The following SPAG16 variants were observed in gnomAD, a reference collection of about 807,000 sequenced individuals.
The protein encoded by SPAG16 is sperm associated antigen 16.
A neutral mutation model predicts 80.4 loss-of-function variants in SPAG16; 86 were observed. That is an observed-to-expected ratio of 1.07 (90% CI 0.90 to 1.28). The LOEUF (loss-of-function observed/expected upper bound fraction) is 1.28. SPAG16 is among the 50% of genes most tolerant of loss of function. SPAG16 has a pLI of 0.00. For missense variants in SPAG16, 870 were observed against 765.3 expected (o/e 1.14, Z -1.61); for synonymous variants, 294 against 265.9 (o/e 1.11, Z -1.03).
intron 10 of SPAG16, among the ~76,000 whole-genome samples, chr2:213,827,696 T>A (rs1412595591): frequency 6.6e-6 from 1 of 152,060 alleles, no homozygotes; most frequent in Non-Finnish European, 1.5e-5. Context: ...GCATTTCTTG[T>A]AGGACAGGTC....
intron 10 of SPAG16, among the ~76,000 whole-genome samples, chr2:213,750,323 G>A (rs1008274696): frequency 1.3e-5 from 2 of 151,718 alleles, no homozygotes; most frequent in Non-Finnish European, 2.9e-5. Flanking sequence ...CTGAAACAGT[G>A]TAAAATGACA....
chr2:214,391,747 G>A (rs1701092421), intron 15 of SPAG16, among the ~76,000 whole-genome samples: 1 of 152,132 alleles, frequency 6.6e-6, no homozygotes, highest in South Asian at 2.1e-4. Flanking sequence ...TAGCCATTCT[G>A]GAATTGATGT....
intron 10 of SPAG16, among the ~76,000 whole-genome samples, chr2:213,610,283 T>G (rs761836060): frequency 3.3e-5 from 5 of 152,172 alleles, no homozygotes; most frequent in African/African-American, 4.8e-5. Flanking sequence ...CAGGGAGATT[T>G]GCATCTGTAG....
chr2:213,338,883 G>A (rs1575256367), intron 5 of SPAG16, among the ~76,000 whole-genome samples: 2 of 152,138 alleles, frequency 1.3e-5, no homozygotes, highest in East Asian at 3.8e-4. Context: ...ATGTGGTTGG[G>A]GGAGGTGGAG....
At chr2:213,988,957 G>A (rs2046152070) in intron 12 of SPAG16, among the ~76,000 whole-genome samples, 2 of 152,108 alleles carry the variant, frequency 1.3e-5, no homozygotes, top group African/African-American at 2.4e-5. Context: ...TGTGTAGAAT[G>A]TGGAGTTCTA....
chr2:214,322,509 C>CAAAAA (rs34616486), intron 15 of SPAG16, among the ~76,000 whole-genome samples: 1 of 136,850 alleles, frequency 7.3e-6, no homozygotes. Context: ...TCACCTTAGG[C>CAAAAA]AAAAAAAAAA....
At chr2:214,052,020 A>C (rs1286488596) in intron 13 of SPAG16, among the ~76,000 whole-genome samples, 1 of 152,214 alleles carries the variant, frequency 6.6e-6, no homozygotes, top group Non-Finnish European at 1.5e-5. Flanking sequence ...TATTGAATAG[A>C]AAATACTTGT....
At position 213,830,628 on chromosome 2, in the gene SPAG16, A is replaced by C. The variant is rs192189562; in HGVS notation, c.1071-31857A>C. On this transcript the variant is annotated intron_variant, in intron 10 of 15. Coordinates refer to ENST00000331683, the MANE Select transcript of SPAG16 (RefSeq NM_024532.5). Reference sequence around the variant, plus strand: ...ATTAGTAAATTATTATTTTCATGTAAAATGTGTAATTCATTGTGAAAAATT... The same window carrying C: ...ATTAGTAAATTATTATTTTCATGTACAATGTGTAATTCATTGTGAAAAATT... Among the ~76,000 whole-genome samples the C allele has an allele frequency of 1.4e-3, 208 of 152,242 alleles. 1 individual carries two copies. Among genetic ancestry groups the C allele is most frequent in the African/African-American group, 4.9e-3 (203 of 41,550 alleles).
intron 10 of SPAG16, among the ~76,000 whole-genome samples, chr2:213,783,332 AAAT>A (rs1056777336): frequency 6.7e-5 from 10 of 149,656 alleles, no homozygotes; most frequent in Admixed American, 2.0e-4. Context: ...AAAAAAAAAA[AAAT>A]CTTAATGACT....
At chr2:213,702,977 A>ACCTGCC (rs1056320350) in intron 10 of SPAG16, among the ~76,000 whole-genome samples, 1 of 152,162 alleles carries the variant, frequency 6.6e-6, no homozygotes, top group Non-Finnish European at 1.5e-5. Context: ...GGAGGATTAT[A>ACCTGCC]CCTGCCCACA....
At chr2:213,714,161 A>T (rs2066130167) in intron 10 of SPAG16, among the ~76,000 whole-genome samples, 1 of 152,170 alleles carries the variant, frequency 6.6e-6, no homozygotes, top group Non-Finnish European at 1.5e-5. Flanking sequence ...CAAGAGGTGG[A>T]TGGAAAGCCA....
chr2:213,576,277 T>C (rs1301224628), intron 10 of SPAG16, among the ~76,000 whole-genome samples: 1 of 152,190 alleles, frequency 6.6e-6, no homozygotes, highest in African/African-American at 2.4e-5. Context: ...GTTCCATTTG[T>C]CTGTGTGCCT....
intron 12 of SPAG16, among the ~76,000 whole-genome samples, chr2:214,004,586 CTAGAG>C (rs1461360771): frequency 1.3e-5 from 2 of 152,008 alleles, no homozygotes; most frequent in African/African-American, 4.8e-5. Context: ...CAGGTGTGGG[CTAGAG>C]TAGTCGATTC....
At chr2:213,348,409 A>G (rs2065124740) in intron 6 of SPAG16, among the ~76,000 whole-genome samples, 1 of 152,184 alleles carries the variant, frequency 6.6e-6, no homozygotes, top group East Asian at 1.9e-4. Flanking sequence ...TGTGAATTTG[A>G]TCCTGTCATT....
intron 10 of SPAG16, among the ~76,000 whole-genome samples, chr2:213,515,600 G>T (rs577215773): frequency 6.6e-6 from 1 of 152,212 alleles, no homozygotes; most frequent in Admixed American, 6.5e-5. Context: ...GAAACAGTTT[G>T]GTTCTATACT....
At chr2:214,352,683 A>T (rs926667541) in intron 15 of SPAG16, among the ~76,000 whole-genome samples, 2 of 151,812 alleles carry the variant, frequency 1.3e-5, no homozygotes, top group African/African-American at 4.8e-5. Context: ...GCTGTTTGAC[A>T]TTTAAAGTAT....
intron 10 of SPAG16, among the ~76,000 whole-genome samples, chr2:213,826,959 A>G (rs1420792496): frequency 6.6e-6 from 1 of 151,898 alleles, no homozygotes; most frequent in East Asian, 1.9e-4. Context: ...TGATCCCTTT[A>G]TCATTATATG....
intron 12 of SPAG16, among the ~76,000 whole-genome samples, chr2:214,009,840 ATTAATCT>A (rs1250131392): frequency 1.3e-5 from 2 of 152,192 alleles, no homozygotes; most frequent in Non-Finnish European, 2.9e-5. Flanking sequence ...ACCTTTTGCC[ATTAATCT>A]TTAGAAAACA....
chr2:213,729,809 A>C (rs1359805263), intron 10 of SPAG16, among the ~76,000 whole-genome samples: 1 of 152,206 alleles, frequency 6.6e-6, no homozygotes, highest in Non-Finnish European at 1.5e-5. Context: ...CAAAAACATC[A>C]GATTTTTGTG....
Sources: gnomAD v4.1 joint callset for allele counts (sites outside exome capture counted in the v4.1 genomes callset) on GRCh38, gnomAD v4.1.1 for gene constraint, MANE v1.5 for transcripts, NCBI Gene and HGNC (gene_info 2026-07-23, HGNC 2026-07-21) for gene names.